RAB36: variants seen among roughly 807,000 people sequenced by gnomAD.
The protein encoded by RAB36 is RAB36, member RAS oncogene family.
A neutral mutation model predicts 39.3 loss-of-function variants in RAB36; 33 were observed. The ratio of observed to expected loss-of-function variants is 0.84; its 90% CI spans 0.64 to 1.12. The LOEUF (loss-of-function observed/expected upper bound fraction) is 1.12, where lower values mean the gene tolerates loss of function less well. Ranked by LOEUF, RAB36 falls within the 50% of genes most tolerant of loss-of-function variation. The pLI is 0.00. For missense variants in RAB36, 308 were observed against 355.3 expected (o/e 0.87, Z 1.07); for synonymous variants, 133 against 140.2 (o/e 0.95, Z 0.36).
chr22:23,165,003 C>T lies in RAB36; in HGVS notation c.*3439C>T, dbSNP rs991260202. Among the ~76,000 whole-genome samples the T allele has an allele frequency of 1.3e-5, 2 of 151,590 alleles. No homozygotes were observed. The highest frequency in any genetic ancestry group is 2.9e-5 in the Non-Finnish European group (2 of 67,890). ...GTGCCCAACGGCTGGGACACCCCTACTCCCAGAGAGGCCTCTGTGGACACC... is the reference window on the plus strand; with the variant it reads ...GTGCCCAACGGCTGGGACACCCCTATTCCCAGAGAGGCCTCTGTGGACACC... On this transcript the variant is annotated 3_prime_UTR_variant, in exon 11 of 11. Coordinates refer to ENST00000263116, the MANE Select transcript of RAB36 (RefSeq NM_004914.5).
chr22:23,160,837 G>A, intron 9 of RAB36, 42 bp from the exon 10 acceptor site: 1 of 1,596,030 alleles, frequency 6.3e-7, no homozygotes, highest in Non-Finnish European at 8.6e-7. Context: ...AAGGGGCAAG[G>A]AGAAACACTG....
chr22:23,160,209 T>G (rs768256088), intron 9 of RAB36, among the ~76,000 whole-genome samples: 2 of 152,194 alleles, frequency 1.3e-5, no homozygotes, highest in Non-Finnish European at 2.9e-5. Flanking sequence ...CGCAAACAAC[T>G]GGCAGTGCCT....
In RAB36 at chr22:23,160,839, G is replaced by A. The variant is rs760682099; in HGVS notation, c.620-40G>A. ...ACCCAGATGCATTAAGGGGCAAGGA[G>A]AAACACTGATGAGGTCCCGGCTGTC... On this transcript the variant is annotated intron_variant, in intron 9 of 10. Coordinates refer to ENST00000263116, the MANE Select transcript of RAB36 (RefSeq NM_004914.5). 3.6e-5 allele frequency: 57 copies of A among 1,597,574 alleles called. 1 individual carries two copies. The highest frequency in any genetic ancestry group is 3.6e-5 in the Non-Finnish European group (42 of 1,169,060).
Position 23,158,040 on chromosome 22 carries a change from C to T in RAB36, c.443C>T (p.Thr148Ile). 1 of 1,614,138 alleles carries T rather than the reference C, an allele frequency of 6.2e-7. No individual in the cohort carries two copies. Among genetic ancestry groups the T allele is most frequent in the Non-Finnish European group, 8.5e-7 (1 of 1,179,988 alleles). Reference sequence around the variant, plus strand: ...ACTGACGTGCAGACCCTGGAGCATACCAGGTAAGTCTGGGCTCTCTGGCCC... The same window carrying T: ...ACTGACGTGCAGACCCTGGAGCATATCAGGTAAGTCTGGGCTCTCTGGCCC... ...DLTDVQTLEHTRQWLEDALRE... is the reference protein window; with the variant it reads ...DLTDVQTLEHIRQWLEDALRE... The change falls in exon 7 of 11, where the codon ACC becomes ATC. Residue 148 changes from threonine to isoleucine, a missense_variant. Thr to Ile is a moderately conservative substitution (Grantham distance 89, BLOSUM62 -1). Transcript: ENST00000263116.
At chr22:23,153,584 T>C (rs2071285603) in intron 5 of RAB36, 18 of 985,068 alleles carry the variant, frequency 1.8e-5, no homozygotes, top group Non-Finnish European at 2.0e-5. Context: ...AGGGCTGAGA[T>C]GGAGTACACA....
chr22:23,153,574 AG>A (rs1430792333), intron 5 of RAB36: 1 of 984,018 alleles, frequency 1.0e-6, no homozygotes, highest in African/African-American at 1.8e-5. Context: ...TTGGGCAAGG[AG>A]GGCTGAGATG....
intron 5 of RAB36, chr22:23,153,474 G>T: frequency 4.3e-6 from 3 of 703,218 alleles, no homozygotes; most frequent in Non-Finnish European, 5.2e-6. Flanking sequence ...CACCAGGCCA[G>T]CAGGGTGGCC....
At chr22:23,158,778 G>A (rs995840504) in intron 7 of RAB36, 120 bp from the exon 8 acceptor site, 6 of 850,934 alleles carry the variant, frequency 7.1e-6, no homozygotes, top group Admixed American at 6.2e-5. Flanking sequence ...GGGCCAGGAA[G>A]CCCTCCTTGT....
chr22:23,148,984 A>G (rs953360367), intron 2 of RAB36, among the ~76,000 whole-genome samples: 4 of 152,188 alleles, frequency 2.6e-5, no homozygotes, highest in African/African-American at 9.7e-5. Flanking sequence ...CCTGTTTAAT[A>G]TTTAAGGAAA....
intron 6 of RAB36, among the ~76,000 whole-genome samples, chr22:23,156,646 AT>A (rs960527831): frequency 1.3e-5 from 2 of 152,224 alleles, no homozygotes; most frequent in African/African-American, 4.8e-5. Flanking sequence ...CCAGACTCAA[AT>A]TATAAGGCAC....
Position 23,162,692 on chromosome 22 carries a change from G to A in RAB36, c.*1128G>A, listed in dbSNP as rs764821325. ...CCCCAGGCCCCTGTCACCTGGCTAT[G>A]CCCACTCATCCCACCCGTCTCGTGC... On this transcript the variant is annotated 3_prime_UTR_variant, in exon 11 of 11. Transcript: ENST00000263116. 6.6e-6 allele frequency: 3 copies of A among 456,248 alleles called. No individual in the cohort carries two copies. The highest frequency in any genetic ancestry group is 4.6e-5 in the South Asian group (3 of 64,572). 28.3% of individuals were successfully genotyped at this position (456,248 alleles called of 1,614,324 possible).
At chr22:23,148,102 G>T (rs1385599711) in intron 2 of RAB36, among the ~76,000 whole-genome samples, 1 of 152,162 alleles carries the variant, frequency 6.6e-6, no homozygotes, top group East Asian at 1.9e-4. Flanking sequence ...GGCTGGTGAG[G>T]AGGAGGTGAC....
intron 10 of RAB36, 62 bp downstream of exon 10, chr22:23,161,060 G>C (rs78216994): frequency 2.0e-6 from 3 of 1,535,628 alleles, no homozygotes; most frequent in African/African-American, 1.4e-5. Flanking sequence ...ATCCACATGC[G>C]CCATCCTCGT....
rs780719863 is a variant in RAB36 at position 23,160,963 on chromosome 22, G to A, written c.704G>A (p.Ser235Asn). The A allele has an allele frequency of 1.2e-6, 2 of 1,613,260 alleles. No homozygotes were observed. Among genetic ancestry groups the A allele is most frequent in the South Asian group, 2.2e-5 (2 of 91,056 alleles). The change falls in exon 10 of 11, where the codon AGT (serine) becomes AAT (asparagine). Residue 235 changes from serine (S) to asparagine (N), a missense_variant. Coordinates refer to ENST00000263116, the MANE Select transcript of RAB36 (RefSeq NM_004914.5). ...SVLQDLERQS[S>N]ARLQVGNGDL... ...CTGCAGGACCTGGAGAGGCAGAGCA[G>A]TGCCCGGCTCCAGGTCGGCAATGGA...
chr22:23,162,728 C>T lies in RAB36; in HGVS notation c.*1164C>T, dbSNP rs190446834. Reference sequence around the variant, plus strand: ...CCACCCGTCTCGTGCTGTTGCTTCCCGTAGATGGCGAGCACCTTGCAGGCA... The same window carrying T: ...CCACCCGTCTCGTGCTGTTGCTTCCTGTAGATGGCGAGCACCTTGCAGGCA... On this transcript the variant is annotated 3_prime_UTR_variant, in exon 11 of 11. Coordinates refer to ENST00000263116, the MANE Select transcript of RAB36 (RefSeq NM_004914.5). The T allele has an allele frequency of 2.2e-6, 1 of 456,252 alleles. No individual in the cohort carries two copies. Among genetic ancestry groups the T allele is most frequent in the South Asian group, 1.5e-5 (1 of 64,564 alleles). The allele number at this position is 456,252 out of a possible 1,614,324, so 28.3% of individuals were successfully genotyped here. A position where few individuals can be genotyped will look rare whatever the true frequency, so the allele number is the denominator to read the frequency against.
At chr22:23,149,334 AGTTT>A (rs2070973630) in intron 2 of RAB36, among the ~76,000 whole-genome samples, 1 of 152,114 alleles carries the variant, frequency 6.6e-6, no homozygotes, top group Non-Finnish European at 1.5e-5. Flanking sequence ...GGTCATCTTT[AGTTT>A]GTTTAATCTC....
chr22:23,155,943 C>T, intron 5 of RAB36, 25 bp from the exon 6 acceptor site: 1 of 1,596,288 alleles, frequency 6.3e-7, no homozygotes, highest in Non-Finnish European at 8.5e-7. Flanking sequence ...ACACCATTTC[C>T]CTTTCTTTCT....
intron 3 of RAB36, among the ~76,000 whole-genome samples, chr22:23,151,076 G>A (rs1488313728): frequency 3.3e-5 from 5 of 152,254 alleles, no homozygotes; most frequent in Non-Finnish European, 5.9e-5. Flanking sequence ...GTCTGCTCAG[G>A]GAGTTGGCTG....
rs2071943773 is a variant in RAB36 at position 23,163,620 on chromosome 22, A to AACCC, written c.*2056_*2057insACCC. The AACCC allele has an allele frequency of 9.1e-6, 1 of 109,478 alleles. No homozygotes were observed. Among genetic ancestry groups the AACCC allele is most frequent in the South Asian group, 3.1e-4 (1 of 3,194 alleles). 6.8% of individuals were successfully genotyped at this position (109,478 alleles called of 1,614,324 possible). A position where few individuals can be genotyped will look rare whatever the true frequency, so the allele number is the denominator to read the frequency against. ...ACAAGGTGAAAGCCCCCCCCCCGCC[A>AACCC]CATTAGCTGCGCCCCTGAAGTGTCT... On this transcript the variant is annotated 3_prime_UTR_variant, in exon 11 of 11. Coordinates refer to ENST00000263116, the MANE Select transcript of RAB36 (RefSeq NM_004914.5).
Sources: gnomAD v4.1 joint callset for allele counts (sites outside exome capture counted in the v4.1 genomes callset) on GRCh38, gnomAD v4.1.1 for gene constraint, MANE v1.5 for transcripts, NCBI Gene and HGNC (gene_info 2026-07-23, HGNC 2026-07-21) for gene names.